The following DLGAP4 variants were observed in gnomAD, a reference collection of about 807,000 sequenced individuals.
DLGAP4 encodes the protein disks large-associated protein 4.
DLGAP4 carries 18 observed loss-of-function variants against 86.9 expected under a neutral mutation model. That is an observed-to-expected ratio of 0.21 (90% CI 0.14 to 0.31). The LOEUF (loss-of-function observed/expected upper bound fraction) is 0.31, where lower values mean the gene tolerates loss of function less well. Ranked by LOEUF, DLGAP4 falls within the 10% of genes least tolerant of loss-of-function variation. The pLI is 1.00. For missense variants in DLGAP4, 1,085 were observed against 1,362.6 expected, an observed-to-expected ratio of 0.80 and a Z score of 3.21; for synonymous variants, 548 against 574.3, an observed-to-expected ratio of 0.95 and a Z score of 0.65.
At chr20:36,511,604 G>A (rs1184336201) in intron 10 of DLGAP4, among the ~76,000 whole-genome samples, 1 of 152,106 alleles carries the variant, frequency 6.6e-6, no homozygotes, top group Admixed American at 6.6e-5. Flanking sequence ...GCCGGGTGCA[G>A]TGGCTCACTC....
intron 7 of DLGAP4, among the ~76,000 whole-genome samples, chr20:36,490,599 C>T (rs948945379): frequency 2.6e-5 from 4 of 152,166 alleles, no homozygotes; most frequent in East Asian, 1.9e-4. Flanking sequence ...GCCTTGAGCC[C>T]GGCCCCACTG....
At chr20:36,436,477 A>T (rs547834619) in intron 4 of DLGAP4, 127 bp downstream of exon 4, 2 of 1,390,256 alleles carry the variant, frequency 1.4e-6, no homozygotes, top group African/African-American at 1.5e-5. Context: ...GCCCCCTTTG[A>T]GCCACGCCCA....
rs1303595962 is a variant in DLGAP4, at chr20:36,500,618, G to A, written c.2512+7G>A. On this transcript the variant is annotated splice_region_variant and intron_variant, in intron 10 of 12. Transcript: ENST00000339266. This position sits in a 1 kb window ranked among gnomAD's most constrained non-coding sequence, Gnocchi z 4.6. ...AACAACCTCTCTGAAGAAGGTGGGT[G>A]CCACATGGATGGTCCTTGGGCAAGG... 1 of 1,486,206 alleles carries A rather than the reference G, an allele frequency of 6.7e-7. No homozygotes were observed. Among genetic ancestry groups the A allele is most frequent in the Admixed American group, 2.4e-5 (1 of 41,206 alleles). 92.1% of individuals were successfully genotyped at this position (1,486,206 alleles called of 1,614,324 possible).
intron 1 of DLGAP4, among the ~76,000 whole-genome samples, chr20:36,330,208 C>T (rs146799873): frequency 7.9e-5 from 12 of 152,254 alleles, no homozygotes; most frequent in Non-Finnish European, 1.6e-4. Flanking sequence ...TCTTCCAGAG[C>T]CTGCCTTTGA....
At chr20:36,451,240 G>A (rs1433619216) in intron 7 of DLGAP4, among the ~76,000 whole-genome samples, 1 of 152,158 alleles carries the variant, frequency 6.6e-6, no homozygotes, top group Non-Finnish European at 1.5e-5. Flanking sequence ...TTGTTTTTGA[G>A]TCATGCCTCT....
At chr20:36,487,822 CT>C (rs2035482543) in intron 7 of DLGAP4, among the ~76,000 whole-genome samples, 1 of 152,162 alleles carries the variant, frequency 6.6e-6, no homozygotes, top group Non-Finnish European at 1.5e-5. Context: ...CAAAAAATAC[CT>C]CATGCCTGTC....
At chr20:36,411,841 A>G (rs954043326) in intron 2 of DLGAP4, among the ~76,000 whole-genome samples, 4 of 151,868 alleles carry the variant, frequency 2.6e-5, no homozygotes, top group Admixed American at 6.6e-5. Flanking sequence ...TTTTGTCTCT[A>G]CTTATCCCTT....
At chr20:36,480,319 C>G (rs1183512059) in intron 7 of DLGAP4, among the ~76,000 whole-genome samples, 1 of 152,200 alleles carries the variant, frequency 6.6e-6, no homozygotes, top group African/African-American at 2.4e-5. Context: ...GTCTGAAGCC[C>G]TGGTGTTAGT....
At chr20:36,377,827 AC>A (rs962017528) in intron 2 of DLGAP4, among the ~76,000 whole-genome samples, 2 of 152,110 alleles carry the variant, frequency 1.3e-5, no homozygotes, top group African/African-American at 4.8e-5. Flanking sequence ...CTCCAACCAC[AC>A]GGGCTGACAT....
intron 7 of DLGAP4, among the ~76,000 whole-genome samples, chr20:36,477,146 G>C (rs2034983560): frequency 6.6e-6 from 1 of 150,438 alleles, no homozygotes; most frequent in Non-Finnish European, 1.5e-5. Flanking sequence ...ACCCAGCTTG[G>C]AGTGCAGTGG....
At chr20:36,375,963 A>G (rs566484908) in intron 2 of DLGAP4, among the ~76,000 whole-genome samples, 7 of 152,094 alleles carry the variant, frequency 4.6e-5, no homozygotes, top group Non-Finnish European at 8.8e-5. Context: ...TGATCCCACC[A>G]CTGTACTCCA....
intron 1 of DLGAP4, among the ~76,000 whole-genome samples, chr20:36,359,634 A>G (rs1309902732): frequency 6.6e-6 from 1 of 152,150 alleles, no homozygotes; most frequent in Non-Finnish European, 1.5e-5. Flanking sequence ...TGTGGCCTAC[A>G]CAAAGCTGTG....
Position 36,310,138 on chromosome 20 carries a change from A to T in DLGAP4, c.-304+3626A>T, listed in dbSNP as rs1158761717. ...TCCTTGAGTCCAGGAGTTTGAGACT[A>T]GTCTAGGCAACATAGTGAGACCCTG... On this transcript the variant is annotated intron_variant, in intron 1 of 12. Transcript: ENST00000339266. 5.0e-3 allele frequency among the ~76,000 whole-genome samples: 746 copies of T among 148,426 alleles called. 8 individuals carry two copies. Among genetic ancestry groups the T allele is most frequent in the African/African-American group, 0.018 (719 of 39,648 alleles).
intron 2 of DLGAP4, among the ~76,000 whole-genome samples, chr20:36,405,041 A>G (rs1379617476): frequency 1.3e-5 from 2 of 152,234 alleles, no homozygotes; most frequent in African/African-American, 4.8e-5. Flanking sequence ...GAGGAAACGC[A>G]CAAATAGCCA....
chr20:36,482,318 C>A (rs1463651998), intron 7 of DLGAP4, among the ~76,000 whole-genome samples: 4 of 152,210 alleles, frequency 2.6e-5, no homozygotes, highest in African/African-American at 7.2e-5. Flanking sequence ...GGACACACAG[C>A]CTATGACAGT....
At position 36,528,425 on chromosome 20, in the gene DLGAP4, T is replaced by G. The variant is rs1301701793; in HGVS notation, c.*1394T>G. On this transcript the variant is annotated 3_prime_UTR_variant, in exon 13 of 13. Transcript: ENST00000339266. ...CTGGCATCCGAGACATCCTCTTGGC[T>G]GGCGCTTGCTGCAGGGGGGGACCCC... 1.3e-5 allele frequency: 2 copies of G among 150,488 alleles called. No individual in the cohort carries two copies. Among genetic ancestry groups the G allele is most frequent in the Non-Finnish European group, 2.9e-5 (2 of 68,218 alleles). The allele number at this position is 150,488 out of a possible 1,614,324, so 9.3% of individuals were successfully genotyped here.
intron 10 of DLGAP4, 22 bp from the exon 11 acceptor site, chr20:36,524,226 CTT>C: frequency 1.2e-6 from 2 of 1,604,632 alleles, no homozygotes; most frequent in Non-Finnish European, 1.7e-6. Context: ...CTAAATCAGT[CTT>C]TTTCCACCCT....
At chr20:36,464,771 A>T (rs1457685419) in intron 7 of DLGAP4, among the ~76,000 whole-genome samples, 1 of 151,954 alleles carries the variant, frequency 6.6e-6, no homozygotes, top group Non-Finnish European at 1.5e-5. Context: ...AATCATTTGA[A>T]CCTGGGAAGC....
At chr20:36,461,465 G>C in intron 7 of DLGAP4, 1 of 981,366 alleles carries the variant, frequency 1.0e-6, no homozygotes, top group Non-Finnish European at 1.2e-6. Context: ...CCGCCCCTCG[G>C]GCGTACAAAA....
Sources: allele counts gnomAD v4.1 joint callset (sites outside exome capture counted in the v4.1 genomes callset), GRCh38; gene constraint gnomAD v4.1.1; non-coding constraint Gnocchi (gnomAD v3.1); transcripts MANE v1.5; gene names NCBI Gene and HGNC (gene_info 2026-07-23, HGNC 2026-07-21).